The following WIPF2 variants were observed in gnomAD, a reference collection of about 807,000 sequenced individuals.
The protein encoded by WIPF2 is WAS/WASL interacting protein family member 2.
Under a neutral mutation model 38.8 loss-of-function variants are expected in WIPF2, and 23 were observed. The ratio of observed to expected loss-of-function variants is 0.59; its 90% CI spans 0.43 to 0.84. WIPF2 has a LOEUF of 0.84. WIPF2 is among the 40% of genes least tolerant of loss of function. The probability of loss-of-function intolerance (pLI) is 0.00; values close to 1 mark genes in which losing one functional copy is unlikely to be tolerated. For missense variants in WIPF2, 574 were observed against 580.5 expected (o/e 0.99, Z 0.11); for synonymous variants, 210 against 223.2 (o/e 0.94, Z 0.53).
At chr17:40,221,396 A>C in intron 1 of WIPF2, among the ~76,000 whole-genome samples, 1 of 152,016 alleles carries the variant, frequency 6.6e-6, no homozygotes, top group South Asian at 2.1e-4. Flanking sequence ...TGGGATCTTT[A>C]AAGTGGTTGC....
intron 1 of WIPF2, among the ~76,000 whole-genome samples, chr17:40,250,914 CTTTTT>C (rs1020649049): frequency 8.9e-5 from 8 of 90,342 alleles, no homozygotes; most frequent in Admixed American, 3.7e-4. Context: ...CTATTAGATT[CTTTTT>C]TTTTTTTTTT....
At chr17:40,243,147 A>G (rs1387228993) in intron 1 of WIPF2, among the ~76,000 whole-genome samples, 1 of 152,166 alleles carries the variant, frequency 6.6e-6, no homozygotes, top group African/African-American at 2.4e-5. Flanking sequence ...ATAGTATCTA[A>G]TATTTACCAC....
chr17:40,283,987 A>G lies in WIPF2; in HGVS notation c.*5762A>G, dbSNP rs973017755. ...TGAATCACTCTCACATAATTTAGAT[A>G]TAAAAACCTATGAGGATGAGGGAGG... On this transcript the variant is annotated 3_prime_UTR_variant, in exon 8 of 8. Transcript: ENST00000323571. The G allele has an allele frequency of 1.3e-5, 2 of 152,214 alleles. No homozygotes were observed. Among genetic ancestry groups the G allele is most frequent in the Admixed American group, 1.3e-4 (2 of 15,278 alleles). The allele number at this position is 152,214 out of a possible 1,614,324, so 9.4% of individuals were successfully genotyped here.
intron 1 of WIPF2, among the ~76,000 whole-genome samples, chr17:40,223,384 A>T (rs540969385): frequency 6.6e-6 from 1 of 152,112 alleles, no homozygotes; most frequent in African/African-American, 2.4e-5. Context: ...CACACTTGAT[A>T]CTAGAGTAGT....
intron 5 of WIPF2, among the ~76,000 whole-genome samples, chr17:40,272,201 TAG>T (rs985744456): frequency 3.9e-5 from 6 of 152,052 alleles, no homozygotes; most frequent in African/African-American, 1.4e-4. Flanking sequence ...TGTATTTTAA[TAG>T]AGACTGGGTT....
intron 1 of WIPF2, among the ~76,000 whole-genome samples, chr17:40,221,532 G>C (rs1216034189): frequency 6.6e-6 from 1 of 151,752 alleles, no homozygotes; most frequent in South Asian, 2.1e-4. Flanking sequence ...CTAAGAGTTC[G>C]AGACCATTCT....
chr17:40,227,635 C>A (rs1015689838), intron 1 of WIPF2, among the ~76,000 whole-genome samples: 9 of 151,702 alleles, frequency 5.9e-5, no homozygotes, highest in Admixed American at 4.6e-4. Context: ...GGCGGATCAC[C>A]TGAGGTCAGA....
At chr17:40,268,402 A>G (rs1251040699) in intron 5 of WIPF2, among the ~76,000 whole-genome samples, 1 of 152,172 alleles carries the variant, frequency 6.6e-6, no homozygotes, top group Non-Finnish European at 1.5e-5. Context: ...GGATTTTACA[A>G]AAGACTCTTT....
chr17:40,270,433 A>AC (rs2032217157), intron 5 of WIPF2, among the ~76,000 whole-genome samples: 1 of 151,894 alleles, frequency 6.6e-6, no homozygotes, highest in Non-Finnish European at 1.5e-5. Flanking sequence ...TGGAGACAGC[A>AC]GAACCTGGCT....
At chr17:40,228,587 T>TAGGGGATGC (rs112059917) in intron 1 of WIPF2, among the ~76,000 whole-genome samples, 21,245 of 151,554 alleles carry the variant, frequency 0.14, 1,555 homozygotes, top group East Asian at 0.29. Flanking sequence ...AGTACTGTGG[T>TAGGGGATGC]AGGGGATGCA....
chr17:40,273,758 C>T, intron 5 of WIPF2, 32 bp from the exon 6 acceptor site: 1 of 1,480,980 alleles, frequency 6.8e-7, no homozygotes, highest in Non-Finnish European at 9.4e-7. Flanking sequence ...GTCTCCACAT[C>T]CAAACCTAAC....
chr17:40,231,854 G>A (rs1321988307), intron 1 of WIPF2, among the ~76,000 whole-genome samples: 1 of 151,380 alleles, frequency 6.6e-6, no homozygotes, highest in East Asian at 1.9e-4. Flanking sequence ...CAATGACTAG[G>A]TTTCAGCCTG....
At chr17:40,243,755 G>T (rs1234455785) in intron 1 of WIPF2, among the ~76,000 whole-genome samples, 1 of 151,556 alleles carries the variant, frequency 6.6e-6, no homozygotes, top group African/African-American at 2.4e-5. Flanking sequence ...TCCTGACCTC[G>T]GGTGATCCAC....
chr17:40,261,686 T>TTTTG (rs2031909149), intron 3 of WIPF2, among the ~76,000 whole-genome samples: 1 of 148,844 alleles, frequency 6.7e-6, no homozygotes, highest in African/African-American at 2.5e-5. Flanking sequence ...TTTTTGGTTT[T>TTTTG]TTTTGTTTTT....
rs1251316606 is a variant in WIPF2 at position 40,265,165 on chromosome 17, CT to C, written c.970+24del. 6 of 1,573,184 alleles carry C rather than the reference CT, an allele frequency of 3.8e-6. No individual in the cohort carries two copies. Among genetic ancestry groups the C allele is most frequent in the South Asian group, 1.2e-5 (1 of 85,604 alleles). On this transcript the variant is annotated intron_variant, in intron 5 of 7. Coordinates refer to ENST00000323571, the MANE Select transcript of WIPF2 (RefSeq NM_133264.5). ...GGAGCAGGTAAGTGCTTGGAAGCAC[CT>C]TTTTCCCTATCATGCTGTGAGTTGA... is the stretch of plus-strand genomic sequence containing the variant.
At chr17:40,278,089 C>T (rs2032461265) in intron 7 of WIPF2, 96 bp from the exon 8 acceptor site, 1 of 1,406,652 alleles carries the variant, frequency 7.1e-7, no homozygotes. Context: ...TAAAGGTTAG[C>T]TTAAAGAGCC....
At chr17:40,226,355 C>T (rs917818294) in intron 1 of WIPF2, among the ~76,000 whole-genome samples, 1 of 151,888 alleles carries the variant, frequency 6.6e-6, no homozygotes, top group Non-Finnish European at 1.5e-5. Flanking sequence ...AGGCGCACAC[C>T]ACCACACCCG....
intron 1 of WIPF2, chr17:40,220,555 C>T (rs1015682660): frequency 7.6e-6 from 1 of 131,890 alleles, no homozygotes; most frequent in Non-Finnish European, 1.6e-5. Context: ...CCACTACTCC[C>T]GCCTAACGTG....
Position 40,219,463 on chromosome 17 carries a change from A to T in WIPF2, c.-99A>T, listed in dbSNP as rs1351900576. The T allele has an allele frequency of 4.3e-6, 1 of 233,586 alleles. No homozygotes were observed. Among genetic ancestry groups the T allele is most frequent in the Admixed American group, 6.1e-5 (1 of 16,466 alleles). The allele number at this position is 233,586 out of a possible 1,614,324, so 14.5% of individuals were successfully genotyped here. On this transcript the variant is annotated 5_prime_UTR_variant, in exon 1 of 8. Coordinates refer to ENST00000323571, the MANE Select transcript of WIPF2 (RefSeq NM_133264.5). ...GACGAAGCCGGAGTGTAGGCGGCAGAGGATTCGCTCCCAGAGCAGCTGCGG... is the reference window on the plus strand; with the variant it reads ...GACGAAGCCGGAGTGTAGGCGGCAGTGGATTCGCTCCCAGAGCAGCTGCGG...
Sources: allele counts gnomAD v4.1 joint callset (sites outside exome capture counted in the v4.1 genomes callset), GRCh38; gene constraint gnomAD v4.1.1; transcripts MANE v1.5; gene names NCBI Gene and HGNC (gene_info 2026-07-23, HGNC 2026-07-21).